DGKB: variants seen among roughly 807,000 people sequenced by gnomAD.
DGKB encodes the protein diacylglycerol kinase beta.
DGKB carries 67 observed loss-of-function variants against 114.3 expected under a neutral mutation model. The ratio of observed to expected loss-of-function variants is 0.59; its 90% CI spans 0.48 to 0.72. DGKB has a LOEUF of 0.72. Ranked by LOEUF, DGKB falls within the 30% of genes least tolerant of loss-of-function variation. DGKB has a pLI of 0.00. For synonymous variants in DGKB, 398 were observed against 323.1 expected (o/e 1.23, Z -2.49); for missense variants, 907 against 975.2 (o/e 0.93, Z 0.93).
intron 20 of DGKB, among the ~76,000 whole-genome samples, chr7:14,553,813 T>A (rs1030557940): frequency 6.8e-6 from 1 of 147,264 alleles, no homozygotes; most frequent in Non-Finnish European, 1.5e-5. Flanking sequence ...GATTAATTTA[T>A]ATGTTTTCAT....
chr7:14,828,137 T>C (rs1845942047), intron 2 of DGKB, among the ~76,000 whole-genome samples: 1 of 151,972 alleles, frequency 6.6e-6, no homozygotes, highest in Admixed American at 6.6e-5. Context: ...ATAAATGCAA[T>C]TTTGTGATAT....
chr7:14,633,743 A>G (rs1429415260), intron 13 of DGKB, among the ~76,000 whole-genome samples: 1 of 151,740 alleles, frequency 6.6e-6, no homozygotes, highest in Non-Finnish European at 1.5e-5. Context: ...ATTTAATCCA[A>G]TGTGAGGTGT....
At chr7:14,587,286 A>G (rs1800932674) in intron 17 of DGKB, among the ~76,000 whole-genome samples, 1 of 152,088 alleles carries the variant, frequency 6.6e-6, no homozygotes, top group Non-Finnish European at 1.5e-5. Flanking sequence ...AACAGCAAAA[A>G]GTAGAATTGT....
chr7:14,972,896 G>A (rs1265735508), intron 1 of DGKB, among the ~76,000 whole-genome samples: 10 of 152,130 alleles, frequency 6.6e-5, no homozygotes, highest in African/African-American at 2.2e-4. Flanking sequence ...GCGTATGTGT[G>A]TATACATACA....
intron 14 of DGKB, among the ~76,000 whole-genome samples, chr7:14,628,307 A>ATGTGTGTGTG (rs139191761): frequency 0.03 from 4,490 of 150,550 alleles, 204 homozygotes; most frequent in African/African-American, 0.1. Context: ...AACACAAGTT[A>ATGTGTGTGTG]TGTGTGTGTG....
intron 23 of DGKB, among the ~76,000 whole-genome samples, chr7:14,280,734 C>T (rs1437898419): frequency 6.7e-6 from 1 of 148,330 alleles, no homozygotes; most frequent in Non-Finnish European, 1.5e-5. Flanking sequence ...GAATTTTCAA[C>T]CCAGAATTTC....
intron 17 of DGKB, among the ~76,000 whole-genome samples, chr7:14,585,729 T>C (rs1800652593): frequency 6.6e-6 from 1 of 152,340 alleles, no homozygotes; most frequent in African/African-American, 2.4e-5. Context: ...AGTGCCATGT[T>C]TTCCAACAGC....
intron 2 of DGKB, among the ~76,000 whole-genome samples, chr7:14,820,145 A>G (rs1844717037): frequency 6.6e-6 from 1 of 152,174 alleles, no homozygotes; most frequent in Non-Finnish European, 1.5e-5. Context: ...CAATCATCTA[A>G]TGATGCTTTA....
intron 13 of DGKB, among the ~76,000 whole-genome samples, chr7:14,651,209 G>A (rs975305010): frequency 2.0e-5 from 3 of 152,100 alleles, no homozygotes; most frequent in East Asian, 3.9e-4. Flanking sequence ...GAGAATTTTA[G>A]ACCAATATCC....
chr7:14,656,435 T>G (rs1815803935), intron 13 of DGKB, among the ~76,000 whole-genome samples: 1 of 151,518 alleles, frequency 6.6e-6, no homozygotes, highest in South Asian at 2.1e-4. Context: ...AAAATTGACA[T>G]TTTAAATTAA....
intron 17 of DGKB, among the ~76,000 whole-genome samples, chr7:14,606,600 A>T (rs12533572): frequency 0.51 from 69,852 of 137,166 alleles, 16,975 homozygotes; most frequent in Admixed American, 0.6. Flanking sequence ...CCTTTTTTTT[A>T]AAAAAAAAAA....
rs78191169 is a variant in DGKB at position 14,261,300 on chromosome 7, G to C, written c.2122+77215C>G. 6.9e-4 allele frequency among the ~76,000 whole-genome samples: 105 copies of C among 151,288 alleles called. 1 individual carries two copies. Among genetic ancestry groups the C allele is most frequent in the Middle Eastern group, 3.4e-3 (1 of 292 alleles). ...TTGTATCATAGAAATAAAATAACTAGTGTTTTAGGCTGAATTTGTTGTTTT... is the reference window on the plus strand; with the variant it reads ...TTGTATCATAGAAATAAAATAACTACTGTTTTAGGCTGAATTTGTTGTTTT... On this transcript the variant is annotated intron_variant, in intron 23 of 25. Coordinates refer to ENST00000402815, the MANE Select transcript of DGKB (RefSeq NM_001350709.2).
intron 13 of DGKB, among the ~76,000 whole-genome samples, chr7:14,645,101 ATT>A (rs1389492318): frequency 6.6e-6 from 1 of 151,868 alleles, no homozygotes; most frequent in East Asian, 1.9e-4. Context: ...ATCAAATGAT[ATT>A]TTTTTCAAGA....
chr7:14,469,277 A>G (rs1780931060), intron 21 of DGKB, among the ~76,000 whole-genome samples: 3 of 152,212 alleles, frequency 2.0e-5, no homozygotes, highest in African/African-American at 4.8e-5. Context: ...ATGCCCATCA[A>G]ACAAACAGGG....
intron 21 of DGKB, among the ~76,000 whole-genome samples, chr7:14,398,098 T>C (rs1473199788): frequency 2.0e-5 from 3 of 152,118 alleles, no homozygotes; most frequent in Admixed American, 6.6e-5. Flanking sequence ...GCAAGATAGA[T>C]AAATGCTCAC....
intron 21 of DGKB, among the ~76,000 whole-genome samples, chr7:14,363,312 T>A (rs113711479): frequency 6.6e-6 from 1 of 152,170 alleles, no homozygotes; most frequent in African/African-American, 2.4e-5. Context: ...CAGCAAAAGC[T>A]TTCATAATCT....
At chr7:14,846,651 T>G (rs1211616984) in intron 1 of DGKB, among the ~76,000 whole-genome samples, 2 of 152,218 alleles carry the variant, frequency 1.3e-5, no homozygotes. Context: ...GCACATAAAA[T>G]GAGTGTCAGG....
At chr7:14,314,900 C>G (rs1021210522) in intron 23 of DGKB, among the ~76,000 whole-genome samples, 10 of 151,966 alleles carry the variant, frequency 6.6e-5, no homozygotes, top group Admixed American at 5.2e-4. Flanking sequence ...GGGTTCCCCT[C>G]AAAGGGAAGC....
intron 25 of DGKB, among the ~76,000 whole-genome samples, chr7:14,167,104 G>A (rs1784717631): frequency 6.6e-6 from 1 of 151,686 alleles, no homozygotes; most frequent in South Asian, 2.1e-4. Context: ...CCAGCTACTA[G>A]GGAGGCTGAG....
Sources: allele counts gnomAD v4.1 joint callset (sites outside exome capture counted in the v4.1 genomes callset), GRCh38; gene constraint gnomAD v4.1.1; transcripts MANE v1.5; gene names NCBI Gene and HGNC (gene_info 2026-07-23, HGNC 2026-07-21).